BAZ2B: variants seen among roughly 807,000 people sequenced by gnomAD.
The protein encoded by BAZ2B is bromodomain adjacent to zinc finger domain protein 2B.
Under a neutral mutation model 246.0 loss-of-function variants are expected in BAZ2B, and 91 were observed. That is an observed-to-expected ratio of 0.37 (90% confidence interval 0.31 to 0.44). The LOEUF (loss-of-function observed/expected upper bound fraction) is 0.44, where lower values mean the gene tolerates loss of function less well. Ranked by LOEUF, BAZ2B falls within the 20% of genes least tolerant of loss-of-function variation. The pLI, the probability that BAZ2B is intolerant of heterozygous loss-of-function variation, is 1.00. For synonymous variants in BAZ2B, 855 were observed against 860.0 expected, an observed-to-expected ratio of 0.99 and a Z score of 0.10; for missense variants, 2,332 against 2,533.7, an observed-to-expected ratio of 0.92 and a Z score of 1.71.
chr2:159,690,703 A>G, the BAZ2B span, among the ~76,000 whole-genome samples: 35 of 152,218 alleles, frequency 2.3e-4, no homozygotes, highest in Admixed American at 2.0e-3. Context: ...CAACTGTTCA[A>G]CTCTGCTGGT....
chr2:159,657,172 G>A, the BAZ2B span, among the ~76,000 whole-genome samples: 1 of 152,110 alleles, frequency 6.6e-6, no homozygotes, highest in Non-Finnish European at 1.5e-5. Flanking sequence ...AAAGCTGTAA[G>A]TCCTATGTTT....
chr2:159,587,763 G>A (rs1688372984), intron 1 of BAZ2B, among the ~76,000 whole-genome samples: 1 of 152,042 alleles, frequency 6.6e-6, no homozygotes, highest in South Asian at 2.1e-4. Context: ...TCCCCTACTA[G>A]TCTGCGAACA....
chr2:159,703,464 A>G, the BAZ2B span, among the ~76,000 whole-genome samples: 2 of 136,528 alleles, frequency 1.5e-5, no homozygotes, highest in African/African-American at 5.6e-5. Context: ...ATGGACTTTA[A>G]AACAATGAAA....
intron 1 of BAZ2B, among the ~76,000 whole-genome samples, chr2:159,579,598 AAGCCTGGC>A (rs1408957024): frequency 2.6e-5 from 4 of 152,152 alleles, no homozygotes; most frequent in Non-Finnish European, 4.4e-5. Context: ...CCTGATACCA[AAGCCTGGC>A]AGAGACACAA....
At chr2:159,496,375 TAAAAAAAAAAAAAA>T (rs58900011) in intron 2 of BAZ2B, among the ~76,000 whole-genome samples, 1 of 58,902 alleles carries the variant, frequency 1.7e-5, no homozygotes, top group East Asian at 4.7e-4. Flanking sequence ...AGACTCCATC[TAAAAAAAAAAAAAA>T]AAAAAAAAAA....
the BAZ2B span, among the ~76,000 whole-genome samples, chr2:159,678,500 C>T: frequency 1.3e-5 from 2 of 152,164 alleles, no homozygotes; most frequent in Non-Finnish European, 2.9e-5. Flanking sequence ...CAGTTACAAC[C>T]TGTACTAAAA....
chr2:159,448,581 CTT>C (rs1200156555), intron 4 of BAZ2B, among the ~76,000 whole-genome samples, 172 bp from the exon 5 acceptor site: 2 of 152,182 alleles, frequency 1.3e-5, no homozygotes, highest in Non-Finnish European at 2.9e-5. Flanking sequence ...AACTTGTACA[CTT>C]ATCACTCTTC....
At chr2:159,672,017 TTGTTA>T in the BAZ2B span, among the ~76,000 whole-genome samples, 2 of 152,222 alleles carry the variant, frequency 1.3e-5, no homozygotes, top group South Asian at 2.1e-4. Context: ...TGTGTACATA[TTGTTA>T]TGTTATATTA....
chr2:159,664,887 T>A, the BAZ2B span, among the ~76,000 whole-genome samples: 1 of 149,834 alleles, frequency 6.7e-6, no homozygotes, highest in Non-Finnish European at 1.5e-5. Context: ...TTTAATTAGA[T>A]CCCATTTGTC....
intron 1 of BAZ2B, among the ~76,000 whole-genome samples, chr2:159,594,096 G>C (rs1167392278): frequency 6.6e-6 from 1 of 152,104 alleles, no homozygotes; most frequent in Admixed American, 6.5e-5. Flanking sequence ...CTAATATTCT[G>C]CATGTGCATT....
intron 1 of BAZ2B, among the ~76,000 whole-genome samples, chr2:159,595,121 A>G (rs61657872): frequency 0.015 from 1,941 of 127,970 alleles, 46 homozygotes; most frequent in African/African-American, 0.051. Flanking sequence ...TTTTTTTTTT[A>G]AACGGAGTTT....
chr2:159,589,483 T>C lies in BAZ2B; in HGVS notation c.-46+26759A>G, dbSNP rs145514181. 1.5e-3 allele frequency among the ~76,000 whole-genome samples: 224 copies of C among 151,978 alleles called. 1 individual carries two copies. The highest frequency in any genetic ancestry group is 5.1e-3 in the African/African-American group (211 of 41,468). On this transcript the variant is annotated intron_variant, in intron 1 of 36. Transcript: ENST00000392783. ...TATCAGCCACACTGTGAGGAAAAAA[T>C]GATGATCTCAGCCAAAAAAATAACT...
chr2:159,384,024 A>G (rs989221642), intron 23 of BAZ2B, among the ~76,000 whole-genome samples: 1 of 152,064 alleles, frequency 6.6e-6, no homozygotes, highest in Non-Finnish European at 1.5e-5. Context: ...CCAAAATCAA[A>G]GCAGGATACC....
intron 13 of BAZ2B, among the ~76,000 whole-genome samples, chr2:159,417,978 AT>A (rs2068061206): frequency 2.0e-5 from 3 of 152,240 alleles, no homozygotes; most frequent in Admixed American, 2.0e-4. Context: ...TGAATAGTAC[AT>A]TAGTCTTTTG....
intron 14 of BAZ2B, among the ~76,000 whole-genome samples, chr2:159,410,266 G>C (rs985674969): frequency 5.3e-5 from 8 of 152,122 alleles, no homozygotes; most frequent in Admixed American, 3.3e-4. Context: ...TGGGATGAAA[G>C]TCTTATAAGA....
chr2:159,692,359 T>A, the BAZ2B span, among the ~76,000 whole-genome samples: 1 of 152,096 alleles, frequency 6.6e-6, no homozygotes. Context: ...GGTTTCACCA[T>A]GTTGGCCAGG....
At chr2:159,624,086 G>A in the BAZ2B span, among the ~76,000 whole-genome samples, 9 of 152,314 alleles carry the variant, frequency 5.9e-5, no homozygotes, top group Admixed American at 3.3e-4. Context: ...TGGGAGGTTC[G>A]AACCGGGTGG....
intron 1 of BAZ2B, among the ~76,000 whole-genome samples, chr2:159,597,253 G>C (rs1191191494): frequency 2.0e-5 from 3 of 151,814 alleles, no homozygotes; most frequent in African/African-American, 7.3e-5. Flanking sequence ...TTTTTTTCTT[G>C]CAAATTTGAG....
Position 159,560,651 on chromosome 2 carries a change from C to T in BAZ2B, c.-45-4786G>A, listed in dbSNP as rs2089747486. Among the ~76,000 whole-genome samples, 6 of 151,810 alleles carry T rather than the reference C, an allele frequency of 4.0e-5. No homozygotes were observed. In the South Asian group the frequency reaches 1.2e-3, roughly 32 times the overall value. On this transcript the variant is annotated intron_variant, in intron 1 of 36. Coordinates refer to ENST00000392783, the MANE Select transcript of BAZ2B (RefSeq NM_013450.4). ...GTGGTGCGATCTCTGCCTCAGCCTC[C>T]TGAGTAGCTAGGACTACAGGCGCCC...
Sources: gnomAD v4.1 joint callset for allele counts (sites outside exome capture counted in the v4.1 genomes callset) on GRCh38, gnomAD v4.1.1 for gene constraint, MANE v1.5 for transcripts, NCBI Gene and HGNC (gene_info 2026-07-23, HGNC 2026-07-21) for gene names.